Variants in DOCK8 observed in about 807,000 individuals in gnomAD.
The protein encoded by DOCK8 is dedicator of cytokinesis protein 8.
A neutral mutation model predicts 245.6 loss-of-function variants in DOCK8; 141 were observed. That is an observed-to-expected ratio of 0.57 (90% CI 0.50 to 0.66). DOCK8 has a LOEUF of 0.66. DOCK8 is among the 30% of genes least tolerant of loss of function. The pLI, the probability that DOCK8 is intolerant of heterozygous loss-of-function variation, is 0.00. For synonymous variants in DOCK8, 1,168 were observed against 970.2 expected, an observed-to-expected ratio of 1.20 and a Z score of -3.79; for missense variants, 2,965 against 2,603.4, an observed-to-expected ratio of 1.14 and a Z score of -3.02.
intron 1 of DOCK8, among the ~76,000 whole-genome samples, chr9:259,613 C>T (rs1428979873): frequency 1.3e-5 from 2 of 152,180 alleles, no homozygotes; most frequent in African/African-American, 4.8e-5. Context: ...TCATCAAGTG[C>T]TCAGCACAGA....
chr9:243,822 A>G (rs1033316465), intron 1 of DOCK8, among the ~76,000 whole-genome samples: 10 of 151,602 alleles, frequency 6.6e-5, no homozygotes, highest in African/African-American at 2.4e-4. Flanking sequence ...TTTCTTCACA[A>G]CTCCATCATC....
At chr9:460,786 C>A (rs902760533) in intron 46 of DOCK8, among the ~76,000 whole-genome samples, 1 of 152,366 alleles carries the variant, frequency 6.6e-6, no homozygotes, top group African/African-American at 2.4e-5. Context: ...ATGCTATCCT[C>A]TTCCTCTTTG....
intron 16 of DOCK8, 43 bp from the exon 17 acceptor site, chr9:371,385 T>G: frequency 1.2e-6 from 2 of 1,613,126 alleles, no homozygotes; most frequent in African/African-American, 1.3e-5. Context: ...GAAGTCATCA[T>G]TCTTGCTAAA....
In DOCK8 at chr9:396,845, C is replaced by T. The variant is rs535305490; in HGVS notation, c.3031C>T (p.Arg1011Cys). ...CAAACGGGACAGTTTTCGGAGGACT[C>T]GTTTTTCTGACCGTTTCATGGATGA... ...MDKRDSFRRT[R>C]FSDRFMDDIT... The change falls in exon 25 of 48, where the codon CGT becomes TGT. Residue 1011 changes from arginine (R) to cysteine (C), a missense_variant. By Grantham distance (180) the Arg-to-Cys change is radical. This residue lies in a region of DOCK8 where 2,825 missense variants were observed against 2,453.5 expected (regional missense o/e 1.15). Transcript: ENST00000432829. The T allele has an allele frequency of 2.0e-4, 319 of 1,614,012 alleles. No individual in the cohort carries two copies. Among genetic ancestry groups the T allele is most frequent in the Middle Eastern group, 8.2e-4 (5 of 6,084 alleles).
chr9:400,869 T>TCACCACCACCACCTCCAC (rs1181815515), intron 26 of DOCK8, among the ~76,000 whole-genome samples: 3 of 26,184 alleles, frequency 1.1e-4, no homozygotes, highest in Admixed American at 9.0e-4. Context: ...TCCTCCACCA[T>TCACCACCACCACCTCCAC]CACCACCACC....
At chr9:312,299 G>T (rs775366988) in intron 6 of DOCK8, 133 bp downstream of exon 6, 7 of 1,063,678 alleles carry the variant, frequency 6.6e-6, no homozygotes, top group Non-Finnish European at 9.9e-6. Context: ...CTGGGGCCTC[G>T]TTTTTCACTC....
rs1305807424 is a variant in DOCK8 at position 421,088 on chromosome 9, A to G, written c.4153+10A>G. On this transcript the variant is annotated intron_variant, in intron 32 of 47. Coordinates refer to ENST00000432829, the MANE Select transcript of DOCK8 (RefSeq NM_203447.4). ...CGCCGCCGGGCTCCAGGTGTGTTGG[A>G]CTGGCCCTTCCCTGCTCTCTGTCAA... 6.2e-7 allele frequency: 1 copy of G among 1,613,832 alleles called. No individual in the cohort carries two copies. The highest frequency in any genetic ancestry group is 8.5e-7 in the Non-Finnish European group (1 of 1,180,010).
chr9:425,376 C>CAA (rs1471815528), intron 33 of DOCK8, among the ~76,000 whole-genome samples: 1 of 151,810 alleles, frequency 6.6e-6, no homozygotes, highest in South Asian at 2.1e-4. Context: ...ACTAAAAATA[C>CAA]AAAAAAGTAG....
At chr9:309,868 G>A (rs1390750490) in intron 5 of DOCK8, among the ~76,000 whole-genome samples, 1 of 152,116 alleles carries the variant, frequency 6.6e-6, no homozygotes, top group Non-Finnish European at 1.5e-5. Context: ...TTAAGACAGG[G>A]TCTCTTTATT....
chr9:441,777 A>G, intron 41 of DOCK8, 98 bp from the exon 42 acceptor site: 1 of 1,494,058 alleles, frequency 6.7e-7, no homozygotes, highest in Non-Finnish European at 9.2e-7. Flanking sequence ...TAGGAGTAAA[A>G]TGCTTTGTTA....
chr9:406,490 A>C (rs1329820559), intron 27 of DOCK8, among the ~76,000 whole-genome samples: 1 of 73,664 alleles, frequency 1.4e-5, no homozygotes, highest in African/African-American at 4.1e-5. Context: ...CTGTCTTTCA[A>C]AAAAAAAAAA....
intron 24 of DOCK8, among the ~76,000 whole-genome samples, chr9:395,431 T>C (rs1009467150): frequency 1.4e-4 from 21 of 152,164 alleles, no homozygotes; most frequent in African/African-American, 4.6e-4. Context: ...CTGCTGTTAG[T>C]GTATTAACGT....
intron 2 of DOCK8, 44 bp downstream of exon 2, chr9:271,773 A>G: frequency 7.1e-7 from 1 of 1,406,270 alleles, no homozygotes; most frequent in Non-Finnish European, 9.8e-7. Context: ...GTCAAGTGCA[A>G]AAGTGCCCAG....
At chr9:322,942 A>C (rs573983486) in intron 7 of DOCK8, among the ~76,000 whole-genome samples, 21 of 151,960 alleles carry the variant, frequency 1.4e-4, no homozygotes, top group Admixed American at 2.6e-4. Flanking sequence ...AATATACAAA[A>C]ATTAGCTGGG....
upstream of DOCK8, chr9:214,287 G>C (rs1488665055): frequency 7.5e-6 from 4 of 534,702 alleles, no homozygotes; most frequent in Admixed American, 7.5e-5. Flanking sequence ...TGTTTCTCCG[G>C]AGAAAAGCAT....
chr9:285,639 T>G (rs534928229), intron 2 of DOCK8, among the ~76,000 whole-genome samples: 1 of 152,318 alleles, frequency 6.6e-6, no homozygotes, highest in Admixed American at 6.5e-5. Context: ...ATATTTTAAT[T>G]GAGGACTGAC....
At chr9:300,880 T>G (rs2049511568) in intron 4 of DOCK8, among the ~76,000 whole-genome samples, 1 of 152,092 alleles carries the variant, frequency 6.6e-6, no homozygotes, top group African/African-American at 2.4e-5. Context: ...AAGCCCTTAA[T>G]CAGATGGATT....
chr9:412,315 G>A (rs2055769936), intron 28 of DOCK8, among the ~76,000 whole-genome samples: 1 of 149,234 alleles, frequency 6.7e-6, no homozygotes. Flanking sequence ...TGAGGCTGGA[G>A]AATTGCTTGA....
chr9:344,925 G>T (rs1381075911), intron 14 of DOCK8, among the ~76,000 whole-genome samples: 1 of 152,116 alleles, frequency 6.6e-6, no homozygotes, highest in Non-Finnish European at 1.5e-5. Context: ...GGTGGTGGGT[G>T]CCTGTAATCC....
Sources: allele counts gnomAD v4.1 joint callset (sites outside exome capture counted in the v4.1 genomes callset), GRCh38; gene constraint gnomAD v4.1.1; regional missense constraint gnomAD v4.1.1; transcripts MANE v1.5; gene names NCBI Gene and HGNC (gene_info 2026-07-23, HGNC 2026-07-21).